Variants in RMDN2 observed in about 807,000 individuals in gnomAD.
RMDN2 encodes the protein regulator of microtubule dynamics 2.
RMDN2 carries 61 observed loss-of-function variants against 52.8 expected under a neutral mutation model. That is an observed-to-expected ratio of 1.16 (90% confidence interval 0.94 to 1.43). The LOEUF (loss-of-function observed/expected upper bound fraction) is 1.43. RMDN2 is among the 40% of genes most tolerant of loss of function. The probability of loss-of-function intolerance (pLI) is 0.00; values close to 1 mark genes in which losing one functional copy is unlikely to be tolerated. For synonymous variants in RMDN2, 180 were observed against 153.1 expected (o/e 1.18, Z -1.30); for missense variants, 592 against 475.3 (o/e 1.25, Z -2.28).
chr2:38,050,661 GAC>G (rs770049327), intron 10 of RMDN2, among the ~76,000 whole-genome samples: 3 of 152,158 alleles, frequency 2.0e-5, no homozygotes, highest in African/African-American at 4.8e-5. Flanking sequence ...GTTGAGAGAA[GAC>G]ACAATTCTGC....
chr2:38,057,297 G>A (rs1435836580), intron 10 of RMDN2, among the ~76,000 whole-genome samples: 1 of 152,226 alleles, frequency 6.6e-6, no homozygotes, highest in Non-Finnish European at 1.5e-5. Context: ...TACAAAAGCT[G>A]CCATAGGCAT....
At chr2:37,932,941 A>G (rs1246091959) in intron 2 of RMDN2, among the ~76,000 whole-genome samples, 3 of 137,062 alleles carry the variant, frequency 2.2e-5, no homozygotes, top group Non-Finnish European at 3.1e-5. Flanking sequence ...CTCCCGGACG[A>G]GGTGGCTGCC....
rs35039448 is a variant in RMDN2, at chr2:38,065,879, C to T, written c.1714-1103C>T. 2.4e-3 allele frequency among the ~76,000 whole-genome samples: 368 copies of T among 152,292 alleles called. 1 individual carries two copies. The highest frequency in any genetic ancestry group is 8.1e-3 in the African/African-American group (336 of 41,554). ...TAAAGGGGCTTTTCTCAGAAGAGAG[C>T]AGTGTGGTGAGGATTCCCGCACAAT... On this transcript the variant is annotated intron_variant, in intron 10 of 10. Transcript: ENST00000234195.
intron 5 of RMDN2, among the ~76,000 whole-genome samples, chr2:37,986,660 A>G (rs1674060225): frequency 6.6e-6 from 1 of 152,160 alleles, no homozygotes; most frequent in Non-Finnish European, 1.5e-5. Flanking sequence ...CCACATTAAC[A>G]CACCAAAGCA....
chr2:38,007,467 T>TGA (rs1194567960), intron 10 of RMDN2, among the ~76,000 whole-genome samples: 7 of 152,240 alleles, frequency 4.6e-5, no homozygotes, highest in Admixed American at 1.3e-4. Flanking sequence ...TATCCATGTC[T>TGA]TCCAGATTTT....
At chr2:37,966,941 T>C (rs1318518523) in intron 2 of RMDN2, among the ~76,000 whole-genome samples, 1 of 152,144 alleles carries the variant, frequency 6.6e-6, no homozygotes, top group East Asian at 1.9e-4. Context: ...TTTACTAAAA[T>C]TGAAGCAAGA....
chr2:38,029,557 C>G (rs1204085070), intron 10 of RMDN2: 1 of 150,806 alleles, frequency 6.6e-6, no homozygotes, highest in Non-Finnish European at 1.5e-5. Flanking sequence ...ATTTGTTAAA[C>G]CAAATTAAAC....
At chr2:37,991,386 C>G in intron 7 of RMDN2, 89 bp downstream of exon 7, 1 of 534,546 alleles carries the variant, frequency 1.9e-6, no homozygotes, top group South Asian at 5.6e-5. Flanking sequence ...TTATTTTTAC[C>G]CAGTGCCTAC....
rs181457313 is a variant in RMDN2, at chr2:37,955,538, C to T, written c.453-18502C>T. On this transcript the variant is annotated intron_variant, in intron 2 of 10. Coordinates refer to ENST00000354545, the MANE Select transcript of RMDN2 (RefSeq NM_001170791.3). Reference sequence around the variant, plus strand: ...CCAAATCTCAACTTGAATTGTATCTCCCAGAATTCCCACATGTTGTGGGAG... The same window carrying T: ...CCAAATCTCAACTTGAATTGTATCTTCCAGAATTCCCACATGTTGTGGGAG... Among the ~76,000 whole-genome samples the T allele has an allele frequency of 1.4e-3, 208 of 152,108 alleles. 2 individuals are homozygous for T. Among genetic ancestry groups the T allele is most frequent in the African/African-American group, 4.8e-3 (198 of 41,484 alleles).
chr2:37,976,631 A>T (rs1427918541), intron 4 of RMDN2, among the ~76,000 whole-genome samples: 1 of 152,154 alleles, frequency 6.6e-6, no homozygotes, highest in Admixed American at 6.5e-5. Context: ...TTGCATATTC[A>T]TCATCAGCTT....
intron 10 of RMDN2, among the ~76,000 whole-genome samples, chr2:38,063,049 G>A (rs1305308279): frequency 6.6e-6 from 1 of 152,112 alleles, no homozygotes; most frequent in African/African-American, 2.4e-5. Flanking sequence ...CCAAGTCTTT[G>A]CTATTGTGAA....
intron 2 of RMDN2, among the ~76,000 whole-genome samples, chr2:37,947,562 AAATAC>A (rs1266806044): frequency 2.0e-5 from 3 of 152,188 alleles, no homozygotes; most frequent in African/African-American, 7.2e-5. Context: ...TAATGAAAGG[AAATAC>A]AACAGTTATC....
chr2:38,003,593 T>TAGGC lies in RMDN2; in HGVS notation c.1045-396_1045-395insGCAG, dbSNP rs1553375348. ...ATAGATAGATAGATAGATAGATAGA[T>TAGGC]AGATAGATAGGCAGACAGACAGACA... is the stretch of plus-strand genomic sequence containing the variant. On this transcript the variant is annotated intron_variant, in intron 8 of 10. Transcript: ENST00000354545. Among the ~76,000 whole-genome samples the TAGGC allele has an allele frequency of 2.6e-5, 4 of 151,394 alleles. No individual in the cohort carries two copies. The South Asian group carries it at 6.2e-4, about 24-fold the overall frequency.
intron 2 of RMDN2, among the ~76,000 whole-genome samples, chr2:37,953,365 C>G (rs1255272336): frequency 1.3e-5 from 2 of 151,968 alleles, no homozygotes; most frequent in Non-Finnish European, 2.9e-5. Context: ...TCTCCCTAGC[C>G]CTTGTCAACC....
chr2:37,932,646 G>T (rs1666870946), intron 2 of RMDN2, among the ~76,000 whole-genome samples: 1 of 151,378 alleles, frequency 6.6e-6, no homozygotes, highest in Admixed American at 6.6e-5. Context: ...CGGCCGGGCA[G>T]AGGCGCCCCT....
intron 2 of RMDN2, among the ~76,000 whole-genome samples, chr2:37,970,356 G>C (rs987048957): frequency 6.6e-6 from 1 of 152,122 alleles, no homozygotes; most frequent in Non-Finnish European, 1.5e-5. Flanking sequence ...ATTGTCTAAT[G>C]TCAAACTGTG....
At chr2:38,010,692 A>G (rs988330076) in intron 10 of RMDN2, among the ~76,000 whole-genome samples, 5 of 152,122 alleles carry the variant, frequency 3.3e-5, no homozygotes, top group Non-Finnish European at 7.4e-5. Context: ...GCTTCGGCTC[A>G]TGCTCGGTGC....
At chr2:38,061,265 G>C (rs1189332351) in intron 10 of RMDN2, among the ~76,000 whole-genome samples, 1 of 152,038 alleles carries the variant, frequency 6.6e-6, no homozygotes, top group Admixed American at 6.5e-5. Context: ...ATTTGCTTCA[G>C]TGCTCCAAGG....
intron 2 of RMDN2, among the ~76,000 whole-genome samples, chr2:37,933,139 G>T (rs1257673513): frequency 6.6e-6 from 1 of 152,028 alleles, no homozygotes; most frequent in Non-Finnish European, 1.5e-5. Flanking sequence ...GGACGGGGCA[G>T]CAGGGCAGAG....
Sources: gnomAD v4.1 joint callset for allele counts (sites outside exome capture counted in the v4.1 genomes callset) on GRCh38, gnomAD v4.1.1 for gene constraint, MANE v1.5 for transcripts, NCBI Gene and HGNC (gene_info 2026-07-23, HGNC 2026-07-21) for gene names.